The following TMC5 variants were observed in gnomAD, a reference collection of about 807,000 sequenced individuals.
TMC5 encodes transmembrane channel like 5, also known as transmembrane channel-like protein 5.
Under a neutral mutation model 110.5 loss-of-function variants are expected in TMC5, and 86 were observed. The ratio of observed to expected loss-of-function variants is 0.78; its 90% confidence interval spans 0.65 to 0.93. TMC5 has a LOEUF of 0.93. Ranked by LOEUF, TMC5 falls within the 40% of genes least tolerant of loss-of-function variation. The pLI is 0.00. For synonymous variants in TMC5, 455 were observed against 439.5 expected, an observed-to-expected ratio of 1.04 and a Z score of -0.44; for missense variants, 1,144 against 1,222.8, an observed-to-expected ratio of 0.94 and a Z score of 0.96.
intron 6 of TMC5, among the ~76,000 whole-genome samples, chr16:19,460,721 CCAGTCTAAA>C (rs1312172391): frequency 6.6e-6 from 1 of 152,174 alleles, no homozygotes; most frequent in Admixed American, 6.5e-5. Flanking sequence ...ACCCACAACC[CCAGTCTAAA>C]CAGCGAAAAA....
intron 19 of TMC5, among the ~76,000 whole-genome samples, 164 bp from the exon 20 acceptor site, chr16:19,494,098 A>G (rs535123011): frequency 6.6e-6 from 1 of 152,166 alleles, no homozygotes; most frequent in African/African-American, 2.4e-5. Flanking sequence ...TTTACTGTGA[A>G]ATGTTTCTTT....
intron 11 of TMC5, among the ~76,000 whole-genome samples, chr16:19,473,310 C>T (rs1399670970): frequency 7.5e-6 from 1 of 133,494 alleles, no homozygotes; most frequent in African/African-American, 2.8e-5. Context: ...CGTGCCACTG[C>T]ACTCCAGCCT....
At chr16:19,467,084 T>C (rs987021658) in intron 9 of TMC5, among the ~76,000 whole-genome samples, 2 of 151,888 alleles carry the variant, frequency 1.3e-5, no homozygotes, top group African/African-American at 4.8e-5. Flanking sequence ...AGGTCGAGGC[T>C]GCAGTGAGCT....
chr16:19,427,144 T>C (rs1044509384), intron 1 of TMC5, among the ~76,000 whole-genome samples: 4 of 152,130 alleles, frequency 2.6e-5, no homozygotes, highest in Non-Finnish European at 5.9e-5. Flanking sequence ...TGCACCCTCA[T>C]CAATAATGTT....
intron 4 of TMC5, among the ~76,000 whole-genome samples, chr16:19,449,249 G>A (rs144953985): frequency 0.019 from 2,825 of 152,202 alleles, 45 homozygotes; most frequent in Middle Eastern, 0.041. Context: ...GCTTCCCAAA[G>A]CACTGGGATT....
At chr16:19,487,372 GGGTGT>G in intron 17 of TMC5, 46 bp downstream of exon 17, 2 of 1,582,378 alleles carry the variant, frequency 1.3e-6, no homozygotes, top group South Asian at 2.3e-5. Flanking sequence ...CTGGGTGGAT[GGGTGT>G]GTGTTTTAAA....
At chr16:19,418,772 G>C (rs757829390) in intron 1 of TMC5, among the ~76,000 whole-genome samples, 6 of 148,006 alleles carry the variant, frequency 4.1e-5, no homozygotes, top group Non-Finnish European at 5.9e-5. Context: ...CTGTTGCCCA[G>C]GCTGGAGTAC....
intron 5 of TMC5, among the ~76,000 whole-genome samples, chr16:19,454,927 C>G (rs772830413): frequency 1.2e-4 from 19 of 152,172 alleles, no homozygotes; most frequent in Admixed American, 5.2e-4. Flanking sequence ...TTGCTTGAAA[C>G]CAGGGGTTCG....
chr16:19,474,345 G>A (rs1436862617), intron 12 of TMC5, 69 bp downstream of exon 12: 1 of 1,537,000 alleles, frequency 6.5e-7, no homozygotes, highest in Non-Finnish European at 8.8e-7. Flanking sequence ...CAGCTAGAAA[G>A]GATTATGCTT....
At chr16:19,439,563 T>C (rs966182714) in intron 2 of TMC5, among the ~76,000 whole-genome samples, 11 of 152,222 alleles carry the variant, frequency 7.2e-5, no homozygotes, top group Admixed American at 2.0e-4. Context: ...GCTGATACAA[T>C]GGCTGTGCTC....
chr16:19,422,996 T>C (rs976900961), intron 1 of TMC5, among the ~76,000 whole-genome samples: 28 of 152,168 alleles, frequency 1.8e-4, no homozygotes, highest in African/African-American at 6.7e-4. Flanking sequence ...TGGTGGCATG[T>C]GCCTGTGTTG....
rs1466937480 is a variant in TMC5 at position 19,440,067 on chromosome 16, C to T, written c.29C>T (p.Ser10Phe). Residue 10 changes from serine (S) to phenylalanine (F), a missense_variant, in exon 3 of 22, where the codon TCT (serine) becomes TTT (phenylalanine). Ser to Phe is a radical substitution (Grantham distance 155, BLOSUM62 -2). Transcript: ENST00000542583. Reference sequence around the variant, plus strand: ...TCTGCCTACTACAGGAATAACTGGTCTGAGGAAGACCCAGATTACCCTGAC... The same window carrying T: ...TCTGCCTACTACAGGAATAACTGGTTTGAGGAAGACCCAGATTACCCTGAC... MSAYYRNNWSEEDPDYPDYS... is the reference protein window; with the variant it reads MSAYYRNNWFEEDPDYPDYS... The T allele has an allele frequency of 2.5e-6, 4 of 1,613,798 alleles. No individual in the cohort carries two copies. Among genetic ancestry groups the T allele is most frequent in the Non-Finnish European group, 3.4e-6 (4 of 1,179,974 alleles).
At chr16:19,435,705 G>A (rs1378000548) in intron 2 of TMC5, among the ~76,000 whole-genome samples, 1 of 152,076 alleles carries the variant, frequency 6.6e-6, no homozygotes, top group Non-Finnish European at 1.5e-5. Context: ...CCTCAAGGTA[G>A]CCACTATTTT....
chr16:19,412,543 T>G (rs1966858342), intron 1 of TMC5, among the ~76,000 whole-genome samples: 1 of 152,116 alleles, frequency 6.6e-6, no homozygotes, highest in African/African-American at 2.4e-5. Flanking sequence ...TTTTTTTGTA[T>G]TTTTAGTAGA....
chr16:19,437,494 T>C, intron 2 of TMC5, among the ~76,000 whole-genome samples: 1 of 152,226 alleles, frequency 6.6e-6, no homozygotes, highest in Admixed American at 6.5e-5. Flanking sequence ...TGGATGTGGG[T>C]TGGCACACGG....
intron 5 of TMC5, among the ~76,000 whole-genome samples, chr16:19,459,653 G>T (rs1967969863): frequency 6.6e-6 from 1 of 151,988 alleles, no homozygotes; most frequent in African/African-American, 2.4e-5. Context: ...GTCGTGGTGT[G>T]TGCCTGTAGT....
At chr16:19,469,161 C>T (rs1968260334) in intron 9 of TMC5, among the ~76,000 whole-genome samples, 1 of 152,020 alleles carries the variant, frequency 6.6e-6, no homozygotes, top group Admixed American at 6.6e-5. Flanking sequence ...CAAGACCAGC[C>T]TAGCCAACAT....
At chr16:19,484,683 C>A (rs897173523) in intron 15 of TMC5, among the ~76,000 whole-genome samples, 19 of 151,810 alleles carry the variant, frequency 1.3e-4, no homozygotes, top group African/African-American at 4.1e-4. Flanking sequence ...ATCACTTGAA[C>A]CAGGGAGGCG....
At position 19,451,800 on chromosome 16, in the gene TMC5, T is replaced by C. The variant is rs375481238; in HGVS notation, c.1048+2169T>C. 5.3e-5 allele frequency among the ~76,000 whole-genome samples: 8 copies of C among 151,994 alleles called. No individual in the cohort carries two copies. In the South Asian group the frequency reaches 6.2e-4, roughly 12 times the overall value. On this transcript the variant is annotated intron_variant, in intron 5 of 21. Transcript: ENST00000542583. ...GTCCAGGCCGCCGGAACTTTTTCTT[T>C]TTATTATTATTATTATTTTTAAGGA...
Sources: allele counts gnomAD v4.1 joint callset (sites outside exome capture counted in the v4.1 genomes callset), GRCh38; gene constraint gnomAD v4.1.1; transcripts MANE v1.5; gene names NCBI Gene and HGNC (gene_info 2026-07-23, HGNC 2026-07-21).